MYO3B: variants seen among roughly 807,000 people sequenced by gnomAD.
MYO3B encodes myosin IIIB, also known as myosin-IIIb.
Under a neutral mutation model 174.6 loss-of-function variants are expected in MYO3B, and 156 were observed. That is an observed-to-expected ratio of 0.89 (90% confidence interval 0.78 to 1.02). The LOEUF is 1.02. Ranked by LOEUF, MYO3B falls within the 50% of genes least tolerant of loss-of-function variation. The pLI is 0.00. For missense variants in MYO3B, 1,632 were observed against 1,639.4 expected (o/e 1.00, Z 0.08); for synonymous variants, 563 against 569.1 (o/e 0.99, Z 0.15).
intron 7 of MYO3B, among the ~76,000 whole-genome samples, chr2:170,247,734 C>T (rs190457940): frequency 1.1e-4 from 16 of 152,290 alleles, no homozygotes; most frequent in Admixed American, 3.3e-4. Context: ...TGGGGGAAAG[C>T]ATGAGGGGGT....
intron 7 of MYO3B, among the ~76,000 whole-genome samples, chr2:170,268,096 G>T (rs2093397614): frequency 6.6e-6 from 1 of 152,298 alleles, no homozygotes; most frequent in Middle Eastern, 3.4e-3. Context: ...TGTAATCCCA[G>T]CTACTTGGGA....
chr2:170,212,751 A>G (rs1050624670), intron 3 of MYO3B, among the ~76,000 whole-genome samples: 1 of 152,226 alleles, frequency 6.6e-6, no homozygotes, highest in Non-Finnish European at 1.5e-5. Context: ...ACTTCCCTGC[A>G]TAAGGCGTGA....
At chr2:170,418,457 C>G (rs1424200494) in intron 22 of MYO3B, among the ~76,000 whole-genome samples, 2 of 152,182 alleles carry the variant, frequency 1.3e-5, no homozygotes, top group Admixed American at 1.3e-4. Context: ...TGTGATTTCC[C>G]TGGAAAAGAG....
Position 170,463,389 on chromosome 2 carries a change from C to T in MYO3B, c.2752C>T (p.Arg918Trp), listed in dbSNP as rs540480005. The T allele has an allele frequency of 2.5e-5, 41 of 1,613,872 alleles. No individual in the cohort carries two copies. The highest frequency in any genetic ancestry group is 3.3e-5 in the Admixed American group (2 of 60,018). The change falls in exon 24 of 35, where the codon CGG becomes TGG. Residue 918 changes from arginine (R) to tryptophan (W), a missense_variant. Arg to Trp is a moderately radical substitution (Grantham distance 101). Transcript: ENST00000408978. ...KAKVDTLEVI[R>W]HPEETTNMKR... ...CCAGGTGGACACTCTGGAGGTGATA[C>T]GGCATCCGGAAGAAACCACCAACAT...
intron 6 of MYO3B, among the ~76,000 whole-genome samples, chr2:170,235,689 A>G (rs1401417704): frequency 6.6e-6 from 1 of 152,238 alleles, no homozygotes; most frequent in Non-Finnish European, 1.5e-5. Context: ...CTTAAAGAAT[A>G]GCAGGGTTGG....
intron 11 of MYO3B, 121 bp from the exon 12 acceptor site, chr2:170,383,589 C>A: frequency 1.4e-6 from 1 of 738,644 alleles, no homozygotes; most frequent in Non-Finnish European, 2.3e-6. Flanking sequence ...AACCTATACC[C>A]TACAGTCTTC....
intron 25 of MYO3B, among the ~76,000 whole-genome samples, chr2:170,482,209 G>A (rs1189047147): frequency 2.6e-5 from 4 of 151,090 alleles, no homozygotes; most frequent in Admixed American, 2.6e-4. Flanking sequence ...AGGCTGGAGT[G>A]CAGCGGAGCA....
intron 32 of MYO3B, among the ~76,000 whole-genome samples, chr2:170,600,272 A>G (rs1359342240): frequency 6.6e-6 from 1 of 152,190 alleles, no homozygotes; most frequent in African/African-American, 2.4e-5. Context: ...ACACTCCATC[A>G]CAAAAGCACG....
chr2:170,517,987 GTT>G lies in MYO3B; in HGVS notation c.3473-1449_3473-1448del, dbSNP rs1271561821. Among the ~76,000 whole-genome samples, 7 of 131,418 alleles carry G rather than the reference GTT, an allele frequency of 5.3e-5. No homozygotes were observed. The South Asian group carries it at 7.2e-4, about 13-fold the overall frequency. 86.2% of individuals were successfully genotyped at this position (131,418 alleles called of 152,430 possible). On this transcript the variant is annotated intron_variant, in intron 29 of 34. Transcript: ENST00000408978. ...TGTTGTTTCACTGTTTGGCCATAAT[GTT>G]TGTGTGTGTGTGTGTGTGTGTGTGT... is the stretch of plus-strand genomic sequence containing the variant.
chr2:170,516,642 C>T (rs1486526099), intron 29 of MYO3B, among the ~76,000 whole-genome samples: 1 of 108,226 alleles, frequency 9.2e-6, no homozygotes, highest in Non-Finnish European at 2.0e-5. Context: ...GACTCCGTCT[C>T]AAAAAAAAAA....
At chr2:170,571,437 T>G (rs1246730010) in intron 32 of MYO3B, among the ~76,000 whole-genome samples, 2 of 152,040 alleles carry the variant, frequency 1.3e-5, no homozygotes, top group Non-Finnish European at 2.9e-5. Context: ...TTCTGAGGAA[T>G]GGCAGGAGAT....
chr2:170,272,300 G>C (rs977657307), intron 7 of MYO3B, among the ~76,000 whole-genome samples: 2 of 152,114 alleles, frequency 1.3e-5, no homozygotes, highest in African/African-American at 2.4e-5. Flanking sequence ...ACTCAAACTT[G>C]AGAATCCTGG....
intron 32 of MYO3B, among the ~76,000 whole-genome samples, chr2:170,624,576 G>T (rs1696239601): frequency 2.0e-5 from 3 of 152,052 alleles, no homozygotes; most frequent in African/African-American, 7.3e-5. Flanking sequence ...CTGCCTGATT[G>T]CCCTGGCCAG....
intron 22 of MYO3B, among the ~76,000 whole-genome samples, chr2:170,423,322 C>T (rs1158574838): frequency 2.0e-5 from 3 of 151,984 alleles, no homozygotes; most frequent in Non-Finnish European, 2.9e-5. Flanking sequence ...GCCACCATAT[C>T]GAGTAGCATG....
At chr2:170,617,750 T>C (rs890796776) in intron 32 of MYO3B, among the ~76,000 whole-genome samples, 2 of 152,206 alleles carry the variant, frequency 1.3e-5, no homozygotes, top group African/African-American at 4.8e-5. Context: ...AGTAATATTA[T>C]AGAGAAAATG....
At chr2:170,525,018 C>G (rs1412257328) in intron 30 of MYO3B, among the ~76,000 whole-genome samples, 2 of 152,154 alleles carry the variant, frequency 1.3e-5, no homozygotes, top group Non-Finnish European at 2.9e-5. Flanking sequence ...GGCTTTTTCT[C>G]TCTACCCACG....
intron 7 of MYO3B, among the ~76,000 whole-genome samples, chr2:170,260,929 T>TA (rs1209110542): frequency 6.6e-6 from 1 of 152,226 alleles, no homozygotes; most frequent in Admixed American, 6.5e-5. Flanking sequence ...TAGACACTCT[T>TA]ATGAGAAGTA....
intron 7 of MYO3B, chr2:170,334,462 G>A (rs956473384): frequency 1.3e-5 from 2 of 152,146 alleles, no homozygotes; most frequent in African/African-American, 2.4e-5. Context: ...GCTTTAGGAA[G>A]CAGTTAGAAT....
intron 6 of MYO3B, among the ~76,000 whole-genome samples, chr2:170,218,417 T>A (rs1035320202): frequency 1.3e-5 from 2 of 148,814 alleles, no homozygotes; most frequent in African/African-American, 4.9e-5. Context: ...AGGAAAAAAA[T>A]GTATTATGAA....
Sources: gnomAD v4.1 joint callset for allele counts (sites outside exome capture counted in the v4.1 genomes callset) on GRCh38, gnomAD v4.1.1 for gene constraint, MANE v1.5 for transcripts, NCBI Gene and HGNC (gene_info 2026-07-23, HGNC 2026-07-21) for gene names.